Variants in CLDN4 observed in about 807,000 individuals in gnomAD.
The protein encoded by CLDN4 is claudin-4.
In CLDN4, 12 loss-of-function variants were observed where a neutral mutation model predicts 13.7. The observed-to-expected ratio is 0.88, with a 90% CI of 0.56 to 1.42. CLDN4 has a LOEUF of 1.42. CLDN4 is among the 40% of genes most tolerant of loss of function. CLDN4 has a pLI of 0.00. For missense variants in CLDN4, 252 were observed against 297.4 expected (o/e 0.85, Z 1.12); for synonymous variants, 152 against 140.6 (o/e 1.08, Z -0.57).
rs11316 is a variant in CLDN4 at position 73,832,225 on chromosome 7, C to G, written c.*394C>G. 0.64 allele frequency: 137,693 copies of G among 215,930 alleles called. 45,798 individuals are homozygous for G. The highest frequency in any genetic ancestry group is 0.74 in the Non-Finnish European group (73,603 of 99,606). 13.4% of individuals were successfully genotyped at this position (215,930 alleles called of 1,614,324 possible). On this transcript the variant is annotated 3_prime_UTR_variant, in exon 1 of 1. Coordinates refer to ENST00000340958, the MANE Select transcript of CLDN4 (RefSeq NM_001305.5). ...TCTGTCTGCCTGCATCTCCTCTGTT[C>G]CGGGTAGGCCTTGATATCACCTCTG...
Position 73,831,678 on chromosome 7 carries a change from G to A in CLDN4, c.477G>A (p.Glu159=). 1 of 1,614,182 alleles carries A rather than the reference G, an allele frequency of 6.2e-7. No homozygotes were observed. Among genetic ancestry groups the A allele is most frequent in the South Asian group, 1.1e-5 (1 of 91,086 alleles). Residue 159 remains glutamate (E), a synonymous_variant, in exon 1 of 1, where the codon GAG becomes GAA. Coordinates refer to ENST00000340958, the MANE Select transcript of CLDN4 (RefSeq NM_001305.5). ...NPLVASGQKR[E]MGASLYVGWA... is the part of the protein sequence containing the mutation. ...TGGTGGCCTCCGGGCAGAAGCGGGAGATGGGTGCCTCGCTCTACGTCGGCT... is the reference window on the plus strand; with the variant it reads ...TGGTGGCCTCCGGGCAGAAGCGGGAAATGGGTGCCTCGCTCTACGTCGGCT...
At position 73,831,862 on chromosome 7, in the gene CLDN4, C is replaced by A; in HGVS notation, c.*31C>A. The A allele has an allele frequency of 6.5e-7, 1 of 1,543,922 alleles. No homozygotes were observed. The highest frequency in any genetic ancestry group is 1.4e-5 in the African/African-American group (1 of 73,254). On this transcript the variant is annotated 3_prime_UTR_variant, in exon 1 of 1. Transcript: ENST00000340958. ...CACGGCTCCACTCTGTTCCTCTCTGCTTTGTTCTTCCCTGGACTGAGCTCA... is the reference window on the plus strand; with the variant it reads ...CACGGCTCCACTCTGTTCCTCTCTGATTTGTTCTTCCCTGGACTGAGCTCA...
Position 73,831,588 on chromosome 7 carries a change from C to G in CLDN4, c.387C>G (p.Gly129=), listed in dbSNP as rs1554634147. 1.2e-6 allele frequency: 2 copies of G among 1,614,138 alleles called. No individual in the cohort carries two copies. Among genetic ancestry groups the G allele is most frequent in the South Asian group, 2.2e-5 (2 of 91,078 alleles). ...IVAGVVFLLA[G]LMVIVPVSWT... is the part of the protein sequence containing the mutation. ...CGGGCGTGGTGTTCCTGTTGGCCGG[C>G]CTTATGGTGATAGTGCCGGTGTCCT... Residue 129 remains glycine (G), a synonymous_variant, in exon 1 of 1, where the codon GGC becomes GGG. Transcript: ENST00000340958.
Position 73,831,487 on chromosome 7 carries a change from C to A in CLDN4, c.286C>A (p.Leu96Met). ...CATCATCGTGGCTGCTCTGGGCGTG[C>A]TGCTGTCCGTGGTGGGGGGCAAGTG... ...ISIIVAALGV[L>M]LSVVGGKCTN... The change falls in exon 1 of 1, where the codon CTG becomes ATG. Residue 96 changes from leucine to methionine, a missense_variant. Transcript: ENST00000340958. The A allele has an allele frequency of 6.2e-7, 1 of 1,614,212 alleles. No individual in the cohort carries two copies. The highest frequency in any genetic ancestry group is 8.5e-7 in the Non-Finnish European group (1 of 1,180,044).
In CLDN4 at chr7:73,831,049, G is replaced by T; in HGVS notation, c.-153G>T. 1.1e-6 allele frequency: 1 copy of T among 909,154 alleles called. No individual in the cohort carries two copies. 56.3% of individuals were successfully genotyped at this position (909,154 alleles called of 1,614,324 possible). On this transcript the variant is annotated 5_prime_UTR_variant, in exon 1 of 1. Transcript: ENST00000340958. ...GGAACTGGTCTGCTCACACTTGCTG[G>T]CTTGCGCATCAGGACTGGCTTTATC...
chr7:73,831,263 T>C lies in CLDN4; in HGVS notation c.62T>C (p.Val21Ala), dbSNP rs1016962918. The C allele has an allele frequency of 1.2e-6, 2 of 1,607,588 alleles. No individual in the cohort carries two copies. The highest frequency in any genetic ancestry group is 1.7e-6 in the Non-Finnish European group (2 of 1,175,804). ...CTGGCCGTCCTGGGCTGGCTGGCCG[T>C]CATGCTGTGCTGCGCGCTGCCCATG... ...IALAVLGWLA[V>A]MLCCALPMWR... The change falls in exon 1 of 1, where the codon GTC becomes GCC. Residue 21 changes from valine to alanine, a missense_variant. Transcript: ENST00000340958.
At position 73,831,933 on chromosome 7, in the gene CLDN4, GCTGGGGA is replaced by G. The variant is rs1329125688; in HGVS notation, c.*115_*121del. On this transcript the variant is annotated 3_prime_UTR_variant, in exon 1 of 1. Coordinates refer to ENST00000340958, the MANE Select transcript of CLDN4 (RefSeq NM_001305.5). ...AGGGCCCTGCCACGGGCCACTGGCT[GCTGGGGA>G]CTGGGGACTGGGCAGAGACTGAGCC... The G allele has an allele frequency of 4.1e-6, 6 of 1,452,278 alleles. No homozygotes were observed. The highest frequency in any genetic ancestry group is 4.6e-5 in the Admixed American group (2 of 43,734). The allele number at this position is 1,452,278 out of a possible 1,614,324, so 90.0% of individuals were successfully genotyped here.
Position 73,831,255 on chromosome 7 carries a change from G to T in CLDN4, c.54G>T (p.Trp18Cys). ...GCATCGCGCTGGCCGTCCTGGGCTG[G>T]CTGGCCGTCATGCTGTGCTGCGCGC... ...VMGIALAVLG[W>C]LAVMLCCALP... The change falls in exon 1 of 1, where the codon TGG (tryptophan) becomes TGT (cysteine). Residue 18 changes from tryptophan to cysteine, a missense_variant. Transcript: ENST00000340958. 1 of 1,604,602 alleles carries T rather than the reference G, an allele frequency of 6.2e-7. No homozygotes were observed. The highest frequency in any genetic ancestry group is 8.5e-7 in the Non-Finnish European group (1 of 1,173,812).
rs782599409 is a variant in CLDN4, at chr7:73,831,761, C to A, written c.560C>A (p.Pro187His). 94 of 1,607,360 alleles carry A rather than the reference C, an allele frequency of 5.8e-5. No homozygotes were observed. The highest frequency in any genetic ancestry group is 7.8e-5 in the Non-Finnish European group (92 of 1,175,772). The change falls in exon 1 of 1, where the codon CCC becomes CAC. Residue 187 changes from proline (P) to histidine (H), a missense_variant. Physicochemically the swap from Pro to His is moderately conservative, Grantham distance 77. Transcript: ENST00000340958. ...GGGLLCCNCP[P>H]RTDKPYSAKY... ...GGGCTGCTTTGCTGCAACTGTCCAC[C>A]CCGCACAGACAAGCCTTACTCCGCC...
At position 73,831,268 on chromosome 7, in the gene CLDN4, C is replaced by A; in HGVS notation, c.67C>A (p.Leu23Met). The stretch of plus-strand genomic sequence containing the variant: ...CGTCCTGGGCTGGCTGGCCGTCATG[C>A]TGTGCTGCGCGCTGCCCATGTGGCG... Reference protein sequence around the residue: ...LAVLGWLAVMLCCALPMWRVT... With the variant: ...LAVLGWLAVMMCCALPMWRVT... Residue 23 changes from leucine to methionine, a missense_variant, in exon 1 of 1, where the codon CTG becomes ATG. Transcript: ENST00000340958. 2 of 1,609,414 alleles carry A rather than the reference C, an allele frequency of 1.2e-6. No individual in the cohort carries two copies. Among genetic ancestry groups the A allele is most frequent in the South Asian group, 1.1e-5 (1 of 90,576 alleles).
At position 73,831,800 on chromosome 7, in the gene CLDN4, C is replaced by G. The variant is rs1554634199; in HGVS notation, c.599C>G (p.Ala200Gly). 1 of 1,578,054 alleles carries G rather than the reference C, an allele frequency of 6.3e-7. No individual in the cohort carries two copies. Among genetic ancestry groups the G allele is most frequent in the East Asian group, 2.2e-5 (1 of 44,480 alleles). The part of the protein sequence containing the change: ...DKPYSAKYSA[A>G]RSAAASNYV ...CCTTACTCCGCCAAGTATTCTGCTG[C>G]CCGCTCTGCTGCTGCCAGCAACTAC... Residue 200 changes from alanine to glycine, a missense_variant, in exon 1 of 1, where the codon GCC becomes GGC. Transcript: ENST00000340958.
At position 73,831,990 on chromosome 7, in the gene CLDN4, CCT is replaced by C; in HGVS notation, c.*164_*165del. The C allele has an allele frequency of 1.0e-6, 1 of 962,942 alleles. No individual in the cohort carries two copies. The highest frequency in any genetic ancestry group is 1.5e-6 in the Non-Finnish European group (1 of 653,726). The allele number at this position is 962,942 out of a possible 1,614,324, so 59.6% of individuals were successfully genotyped here. A position where few individuals can be genotyped will look rare whatever the true frequency, so the allele number is the denominator to read the frequency against. On this transcript the variant is annotated 3_prime_UTR_variant, in exon 1 of 1. Transcript: ENST00000340958. ...CAGGCAGGAAGGCAGCAGCCTTCAG[CCT>C]CTCTGGCCCACTCGGACAACTTCCC...
Position 73,831,540 on chromosome 7 carries a change from C to A in CLDN4, c.339C>A (p.Ala113=). Reference sequence around the variant, plus strand: ...CCAACTGCCTGGAGGATGAAAGCGCCAAGGCCAAGACCATGATCGTGGCGG... The same window carrying A: ...CCAACTGCCTGGAGGATGAAAGCGCAAAGGCCAAGACCATGATCGTGGCGG... ...KCTNCLEDES[A]KAKTMIVAGV... Residue 113 remains alanine (A), a synonymous_variant, in exon 1 of 1, where the codon GCC becomes GCA. Transcript: ENST00000340958. 6.2e-7 allele frequency: 1 copy of A among 1,614,222 alleles called. No individual in the cohort carries two copies. Among genetic ancestry groups the A allele is most frequent in the East Asian group, 2.2e-5 (1 of 44,888 alleles).
Position 73,831,612 on chromosome 7 carries a change from C to G in CLDN4, c.411C>G (p.Ser137=), listed in dbSNP as rs1554634150. 6.2e-7 allele frequency: 1 copy of G among 1,614,116 alleles called. No individual in the cohort carries two copies. Among genetic ancestry groups the G allele is most frequent in the Non-Finnish European group, 8.5e-7 (1 of 1,179,974 alleles). Residue 137 remains serine, a synonymous_variant, in exon 1 of 1, where the codon TCC becomes TCG. Coordinates refer to ENST00000340958, the MANE Select transcript of CLDN4 (RefSeq NM_001305.5). ...GCCTTATGGTGATAGTGCCGGTGTCCTGGACGGCCCACAACATCATCCAAG... is the reference window on the plus strand; with the variant it reads ...GCCTTATGGTGATAGTGCCGGTGTCGTGGACGGCCCACAACATCATCCAAG... ...LAGLMVIVPV[S]WTAHNIIQDF... is the part of the protein sequence containing the mutation.
chr7:73,831,456 C>T lies in CLDN4; in HGVS notation c.255C>T (p.Ile85=). 1 of 1,614,212 alleles carries T rather than the reference C, an allele frequency of 6.2e-7. No homozygotes were observed. Among genetic ancestry groups the T allele is most frequent in the Non-Finnish European group, 8.5e-7 (1 of 1,180,032 alleles). ...TGCAGGCGGCCCGCGCCCTCGTCAT[C>T]ATCAGCATCATCGTGGCTGCTCTGG... The part of the protein sequence containing the change: ...QDLQAARALV[I]ISIIVAALGV... Residue 85 remains isoleucine, a synonymous_variant, in exon 1 of 1, where the codon ATC becomes ATT. Coordinates refer to ENST00000340958, the MANE Select transcript of CLDN4 (RefSeq NM_001305.5).
Sources: gnomAD v4.1 joint callset for allele counts on GRCh38, gnomAD v4.1.1 for gene constraint, MANE v1.5 for transcripts, NCBI Gene and HGNC (gene_info 2026-07-23, HGNC 2026-07-21) for gene names.